The following CLASP1 variants were observed in gnomAD, a reference collection of about 807,000 sequenced individuals.
CLASP1 encodes the protein cytoplasmic linker associated protein 1, also known as CLIP-associating protein 1.
Under a neutral mutation model 192.3 loss-of-function variants are expected in CLASP1, and 38 were observed. That is an observed-to-expected ratio of 0.20 (90% CI 0.15 to 0.26). The LOEUF (loss-of-function observed/expected upper bound fraction) is 0.26. Among genes scored for constraint, CLASP1 ranks in the 10% least tolerant of loss-of-function variants. The pLI, the probability that CLASP1 is intolerant of heterozygous loss-of-function variation, is 1.00. For missense variants in CLASP1, 1,433 were observed against 1,932.5 expected, an observed-to-expected ratio of 0.74 and a Z score of 4.85; for synonymous variants, 691 against 712.8, an observed-to-expected ratio of 0.97 and a Z score of 0.49.
At chr2:121,554,162 G>A (rs1379577016) in intron 2 of CLASP1, among the ~76,000 whole-genome samples, 1 of 152,036 alleles carries the variant, frequency 6.6e-6, no homozygotes, top group Non-Finnish European at 1.5e-5. Flanking sequence ...GCTACAGTGA[G>A]CCATGATCAC....
intron 7 of CLASP1, among the ~76,000 whole-genome samples, 161 bp from the exon 8 acceptor site, chr2:121,503,395 T>C (rs147382152): frequency 6.6e-5 from 10 of 152,244 alleles, no homozygotes; most frequent in Non-Finnish European, 1.3e-4. Context: ...ACATTAACAA[T>C]AGCCAACAAT....
At chr2:121,519,614 T>C (rs1236670113) in intron 6 of CLASP1, among the ~76,000 whole-genome samples, 1 of 152,252 alleles carries the variant, frequency 6.6e-6, no homozygotes, top group African/African-American at 2.4e-5. Flanking sequence ...ACCAGCTTTA[T>C]GCCAGCAGTT....
intron 2 of CLASP1, among the ~76,000 whole-genome samples, chr2:121,585,782 A>G (rs530764027): frequency 1.3e-5 from 2 of 152,108 alleles, no homozygotes; most frequent in South Asian, 4.2e-4. Flanking sequence ...CTGTAGTCCC[A>G]GCTGCTCAGG....
intron 37 of CLASP1, among the ~76,000 whole-genome samples, chr2:121,349,401 G>A (rs1454433814): frequency 6.6e-6 from 1 of 152,166 alleles, no homozygotes; most frequent in East Asian, 1.9e-4. Context: ...GGGGTGCAAC[G>A]AGCTGTGTTG....
intron 25 of CLASP1, among the ~76,000 whole-genome samples, chr2:121,406,004 C>T (rs1013384387): frequency 6.6e-6 from 1 of 152,192 alleles, no homozygotes; most frequent in Non-Finnish European, 1.5e-5. Context: ...TAAAAATCAT[C>T]CAAAGGATAA....
In CLASP1 at chr2:121,440,035, T is replaced by C. The variant is rs533661589; in HGVS notation, c.1912+7302A>G. On this transcript the variant is annotated intron_variant, in intron 19 of 39. Coordinates refer to ENST00000263710, the Ensembl canonical transcript of CLASP1. ...CCAGCATGGCACACGTATACATATG[T>C]AACTAACCTGCACAATGTGCACATG... is the stretch of plus-strand genomic sequence containing the variant. 7.9e-4 allele frequency among the ~76,000 whole-genome samples: 114 copies of C among 145,032 alleles called. 1 individual carries two copies. Among genetic ancestry groups the C allele is most frequent in the African/African-American group, 2.7e-3 (103 of 38,754 alleles).
chr2:121,632,406 T>C (rs1171179492), intron 1 of CLASP1, among the ~76,000 whole-genome samples: 1 of 152,152 alleles, frequency 6.6e-6, no homozygotes, highest in Admixed American at 6.6e-5. Context: ...TAATATATTA[T>C]AGAATTATTC....
At chr2:121,611,745 G>A (rs1385968732) in intron 1 of CLASP1, among the ~76,000 whole-genome samples, 1 of 146,440 alleles carries the variant, frequency 6.8e-6, no homozygotes, top group African/African-American at 2.5e-5. Context: ...AGGAGTTACA[G>A]GAGAAAGAGG....
chr2:121,354,194 G>GT (rs1183155472), intron 37 of CLASP1, among the ~76,000 whole-genome samples: 1 of 152,192 alleles, frequency 6.6e-6, no homozygotes, highest in African/African-American at 2.4e-5. Flanking sequence ...AGCATGGCAG[G>GT]TTATCTACAA....
At chr2:121,478,901 CACACCACA>C (rs2092237955) in intron 8 of CLASP1, among the ~76,000 whole-genome samples, 2 of 54,994 alleles carry the variant, frequency 3.6e-5, no homozygotes, top group African/African-American at 2.4e-4. Flanking sequence ...ACACACACAC[CACACCACA>C]CACACCACAC....
At chr2:121,376,289 A>G (rs2070104748) in intron 34 of CLASP1, among the ~76,000 whole-genome samples, 1 of 152,226 alleles carries the variant, frequency 6.6e-6, no homozygotes, top group South Asian at 2.1e-4. Flanking sequence ...GTGTCCCTCA[A>G]CAAATGAATG....
intron 8 of CLASP1, among the ~76,000 whole-genome samples, chr2:121,493,877 C>G (rs367585288): frequency 1.5e-4 from 23 of 152,262 alleles, no homozygotes; most frequent in African/African-American, 4.3e-4. Context: ...CAGAGAAATG[C>G]AAATCAAAAC....
At chr2:121,635,183 C>T (rs577222720) in intron 1 of CLASP1, among the ~76,000 whole-genome samples, 35 of 147,868 alleles carry the variant, frequency 2.4e-4, no homozygotes, top group Admixed American at 3.4e-4. Context: ...CACTCCAACA[C>T]GGGCAACAAA....
At chr2:121,404,001 T>C (rs2076534489) in intron 26 of CLASP1, among the ~76,000 whole-genome samples, 1 of 152,218 alleles carries the variant, frequency 6.6e-6, no homozygotes, top group East Asian at 1.9e-4. Context: ...TATATACTTA[T>C]TTTCTTCACT....
chr2:121,566,047 G>C (rs1439863257), intron 2 of CLASP1, among the ~76,000 whole-genome samples: 1 of 152,200 alleles, frequency 6.6e-6, no homozygotes, highest in African/African-American at 2.4e-5. Flanking sequence ...ACAGCTGTGA[G>C]TCCTATTAAT....
intron 1 of CLASP1, among the ~76,000 whole-genome samples, chr2:121,628,381 A>G (rs191043538): frequency 2.5e-4 from 38 of 152,290 alleles, no homozygotes; most frequent in Admixed American, 3.9e-4. Context: ...CGGTCACTTA[A>G]GAATGTAATT....
At chr2:121,583,670 C>T (rs1576228685) in intron 2 of CLASP1, among the ~76,000 whole-genome samples, 1 of 152,152 alleles carries the variant, frequency 6.6e-6, no homozygotes, top group Non-Finnish European at 1.5e-5. Flanking sequence ...AAGCTAGTAC[C>T]TCCCCTTTCA....
intron 8 of CLASP1, among the ~76,000 whole-genome samples, chr2:121,484,919 G>A (rs1409720371): frequency 6.6e-6 from 1 of 152,174 alleles, no homozygotes; most frequent in Non-Finnish European, 1.5e-5. Flanking sequence ...TGGGAATACA[G>A]TATGAATAAA....
In CLASP1 at chr2:121,367,657, T is replaced by C. The variant is rs774358218; in HGVS notation, c.3817A>G (p.Ile1273Val). 1.2e-6 allele frequency: 2 copies of C among 1,614,016 alleles called. No individual in the cohort carries two copies. Among genetic ancestry groups the C allele is most frequent in the Non-Finnish European group, 1.7e-6 (2 of 1,179,894 alleles). Reference sequence around the variant, plus strand: ...AGGGCGGTCTTGTCGTAGGTGTTGATGGCATCTGAGTAGGGGTACGGGTTG... The same window carrying C: ...AGGGCGGTCTTGTCGTAGGTGTTGACGGCATCTGAGTAGGGGTACGGGTTG... The change falls in exon 35 of 40, where the codon ATC (isoleucine) becomes GTC (valine). Residue 1273 changes from isoleucine to valine, a missense_variant. Coordinates refer to ENST00000263710, the Ensembl canonical transcript of CLASP1.
Sources: allele counts gnomAD v4.1 joint callset (sites outside exome capture counted in the v4.1 genomes callset), GRCh38; gene constraint gnomAD v4.1.1; transcripts MANE v1.5; gene names NCBI Gene and HGNC (gene_info 2026-07-23, HGNC 2026-07-21).